Variants in EMSY observed in about 807,000 individuals in gnomAD.
EMSY encodes the protein BRCA2-interacting transcriptional repressor EMSY.
EMSY carries 26 observed loss-of-function variants against 134.6 expected under a neutral mutation model. The ratio of observed to expected loss-of-function variants is 0.19; its 90% CI spans 0.14 to 0.27. The LOEUF is 0.27. Among genes scored for constraint, EMSY ranks in the 10% least tolerant of loss-of-function variants. The probability of loss-of-function intolerance (pLI) is 1.00; values close to 1 mark genes in which losing one functional copy is unlikely to be tolerated. For missense variants in EMSY, 1,305 were observed against 1,611.4 expected (o/e 0.81, Z 3.26); for synonymous variants, 579 against 577.8 (o/e 1.00, Z -0.03).
chr11:76,516,289 T>A (rs778267029), exon 11 of EMSY: 5 of 1,611,104 alleles, frequency 3.1e-6, no homozygotes, highest in Non-Finnish European at 4.2e-6. Context: ...GGGGGCAAGA[T>A]AATTAGCAGT....
chr11:76,550,899 G>C (rs72932407), exon 21 of EMSY: 3,092 of 152,510 alleles, frequency 0.02, 44 homozygotes, highest in Non-Finnish European at 0.025. Context: ...CACTGTCGTC[G>C]TCTCCCCACT....
chr11:76,496,494 A>G (rs1051112162), intron 9 of EMSY, 25 bp downstream of exon 10: 4 of 1,611,126 alleles, frequency 2.5e-6, no homozygotes, highest in Non-Finnish European at 3.4e-6. Context: ...TTTATAAGAT[A>G]TGGTAATTCT....
intron 10 of EMSY, among the ~76,000 whole-genome samples, chr11:76,515,100 G>A (rs1340939223): frequency 1.4e-4 from 19 of 139,598 alleles, no homozygotes; most frequent in Non-Finnish European, 2.1e-4. Flanking sequence ...TCAGATGTAT[G>A]CTTATAACCA....
chr11:76,547,856 A>C (rs549405542), intron 20 of EMSY, among the ~76,000 whole-genome samples: 18 of 152,322 alleles, frequency 1.2e-4, no homozygotes, highest in African/African-American at 4.1e-4. Context: ...TAGGTTCTTT[A>C]CAGAATTCGC....
chr11:76,552,257 A>G (rs760033371), downstream of EMSY: 11 of 152,184 alleles, frequency 7.2e-5, no homozygotes, highest in African/African-American at 2.2e-4. Flanking sequence ...AGGAAATCCT[A>G]TCCTTATGAA....
intron 8 of EMSY, among the ~76,000 whole-genome samples, chr11:76,489,537 T>C (rs191200300): frequency 6.6e-6 from 1 of 152,198 alleles, no homozygotes; most frequent in Admixed American, 6.5e-5. Context: ...CACCAGTGTT[T>C]CCATGTCTGT....
chr11:76,528,495 T>C (rs1490334042), intron 14 of EMSY, 29 bp downstream of exon 15: 4 of 1,537,286 alleles, frequency 2.6e-6, no homozygotes, highest in Middle Eastern at 3.4e-4. Flanking sequence ...CTGATTTATA[T>C]AAGTACTACT....
intron 2 of EMSY, among the ~76,000 whole-genome samples, chr11:76,450,267 A>G (rs1400035411): frequency 6.6e-6 from 1 of 152,148 alleles, no homozygotes; most frequent in Non-Finnish European, 1.5e-5. Flanking sequence ...TTTAGAGTAT[A>G]CTGCATTCTT....
chr11:76,549,952 G>T (rs752023533), exon 21 of EMSY: 1 of 1,606,808 alleles, frequency 6.2e-7, no homozygotes, highest in South Asian at 1.1e-5. Context: ...TCTCTTCCAG[G>T]CTATTCCTCA....
At chr11:76,464,002 C>G in exon 7 of EMSY, 1 of 1,614,194 alleles carries the variant, frequency 6.2e-7, no homozygotes, top group South Asian at 1.1e-5. Flanking sequence ...TTGCCAACTC[C>G]TTACCACCCC....
chr11:76,472,952 C>A, intron 8 of EMSY, 112 bp downstream of exon 9: 1 of 1,107,060 alleles, frequency 9.0e-7, no homozygotes, highest in East Asian at 2.4e-5. Flanking sequence ...CTATTAGACC[C>A]AAGATCACCA....
At chr11:76,527,460 T>G (rs944530904) in intron 13 of EMSY, among the ~76,000 whole-genome samples, 7 of 152,164 alleles carry the variant, frequency 4.6e-5, no homozygotes, top group African/African-American at 1.7e-4. Context: ...TAACAGAGTC[T>G]GAGAAATTTT....
chr11:76,454,654 G>T, intron 4 of EMSY, 95 bp from the exon 5 acceptor site: 1 of 748,988 alleles, frequency 1.3e-6, no homozygotes, highest in South Asian at 2.0e-5. Flanking sequence ...CATTGGAAAG[G>T]TATTGTGGGG....
intron 3 of EMSY, 54 bp from the exon 4 acceptor site, chr11:76,453,260 A>T: frequency 6.5e-7 from 1 of 1,533,710 alleles, no homozygotes; most frequent in East Asian, 2.3e-5. Context: ...TAATGAAAGT[A>T]TAGAAAGAGC....
At chr11:76,520,644 A>T (rs950985138) in intron 11 of EMSY, among the ~76,000 whole-genome samples, 1 of 152,178 alleles carries the variant, frequency 6.6e-6, no homozygotes, top group African/African-American at 2.4e-5. Flanking sequence ...GTAACCTCAG[A>T]GCATGTTACC....
chr11:76,446,759 A>C, intron 1 of EMSY, 141 bp from the exon 2 acceptor site: 1 of 541,766 alleles, frequency 1.8e-6, no homozygotes, highest in Non-Finnish European at 3.3e-6. Context: ...AAAGTTGGAA[A>C]GTGTGGTGGT....
intron 7 of EMSY, among the ~76,000 whole-genome samples, chr11:76,468,785 A>G (rs938506145): frequency 6.6e-6 from 1 of 152,104 alleles, no homozygotes; most frequent in African/African-American, 2.4e-5. Flanking sequence ...GCACTTATAT[A>G]TCAGAGCAGC....
At chr11:76,471,818 A>G (rs992790126) in intron 7 of EMSY, among the ~76,000 whole-genome samples, 2 of 152,054 alleles carry the variant, frequency 1.3e-5, no homozygotes, top group African/African-American at 4.8e-5. Flanking sequence ...TACCCTATAC[A>G]TTTCTATCCC....
At chr11:76,509,370 A>AT (rs1950192648) in intron 9 of EMSY, among the ~76,000 whole-genome samples, 1 of 152,096 alleles carries the variant, frequency 6.6e-6, no homozygotes. Context: ...GTGGGTGCCT[A>AT]TAATCCCGCT....
Sources: gnomAD v4.1 joint callset for allele counts (sites outside exome capture counted in the v4.1 genomes callset) on GRCh38, gnomAD v4.1.1 for gene constraint, MANE v1.5 for transcripts, NCBI Gene and HGNC (gene_info 2026-07-23, HGNC 2026-07-21) for gene names.